Variants in RPS6KA2 observed in about 807,000 individuals in gnomAD.
The protein encoded by RPS6KA2 is ribosomal protein S6 kinase alpha-2.
Under a neutral mutation model 91.8 loss-of-function variants are expected in RPS6KA2, and 42 were observed. The ratio of observed to expected loss-of-function variants is 0.46; its 90% CI spans 0.36 to 0.59. The LOEUF (loss-of-function observed/expected upper bound fraction) is 0.59, where lower values mean the gene tolerates loss of function less well. Among genes scored for constraint, RPS6KA2 ranks in the 20% least tolerant of loss-of-function variants. The probability of loss-of-function intolerance (pLI) is 0.00; values close to 1 mark genes in which losing one functional copy is unlikely to be tolerated. For synonymous variants in RPS6KA2, 414 were observed against 393.6 expected (o/e 1.05, Z -0.61); for missense variants, 798 against 978.5 (o/e 0.82, Z 2.46).
At chr6:166,613,974 C>T (rs1248222332) in intron 1 of RPS6KA2, among the ~76,000 whole-genome samples, 2 of 152,244 alleles carry the variant, frequency 1.3e-5, no homozygotes, top group African/African-American at 4.8e-5. Context: ...TCTTCCCCGT[C>T]TTTCTGGGGA....
chr6:166,587,958 G>GT (rs1219194674), intron 1 of RPS6KA2, among the ~76,000 whole-genome samples: 2 of 152,160 alleles, frequency 1.3e-5, no homozygotes, highest in African/African-American at 2.4e-5. Context: ...AATTTATTTT[G>GT]TTTTTTATCT....
At chr6:166,740,153 G>C (rs1219970545) in intron 2 of RPS6KA2, among the ~76,000 whole-genome samples, 1 of 152,182 alleles carries the variant, frequency 6.6e-6, no homozygotes, top group Non-Finnish European at 1.5e-5. Context: ...TGGACACAGT[G>C]ACTAGGGTGT....
chr6:166,783,743 CCTAT>C lies in RPS6KA2; in HGVS notation c.123+74453_123+74456del, dbSNP rs1371134140. Among the ~76,000 whole-genome samples the C allele has an allele frequency of 3.6e-5, 5 of 138,696 alleles. No homozygotes were observed. In the East Asian group the frequency reaches 9.6e-4, roughly 27 times the overall value. The allele number at this position is 138,696 out of a possible 152,430, so 91.0% of individuals were successfully genotyped here. ...TTGTAATCACATACACGCGTGGACA[CCTAT>C]CTAAAACCACATATACACATGTGCA... On this transcript the variant is annotated intron_variant, in intron 2 of 21. Coordinates refer to the RPS6KA2 transcript ENST00000503859.
chr6:166,534,266 A>C (rs1011837482), intron 2 of RPS6KA2, among the ~76,000 whole-genome samples: 5 of 150,116 alleles, frequency 3.3e-5, no homozygotes, highest in African/African-American at 1.2e-4. Flanking sequence ...AACAAAAATT[A>C]GTTGAGTGTG....
intron 2 of RPS6KA2, chr6:166,701,576 C>A: frequency 7.1e-7 from 1 of 1,414,324 alleles, no homozygotes; most frequent in Non-Finnish European, 1.0e-6. Flanking sequence ...CTGATGAGGG[C>A]TCTGACTGAT....
At chr6:166,730,112 A>G (rs1431504237) in intron 2 of RPS6KA2, among the ~76,000 whole-genome samples, 1 of 152,212 alleles carries the variant, frequency 6.6e-6, no homozygotes, top group African/African-American at 2.4e-5. Flanking sequence ...GTAACTTTCT[A>G]TATTGCTTTT....
At chr6:166,529,498 C>G (rs1444017078) in intron 3 of RPS6KA2, among the ~76,000 whole-genome samples, 1 of 152,008 alleles carries the variant, frequency 6.6e-6, no homozygotes, top group Admixed American at 6.5e-5. Flanking sequence ...TGCAGCACAC[C>G]AGCATGGCAC....
intron 2 of RPS6KA2, among the ~76,000 whole-genome samples, chr6:166,820,278 C>T (rs935414420): frequency 6.6e-6 from 1 of 152,198 alleles, no homozygotes; most frequent in Non-Finnish European, 1.5e-5. Context: ...CCATGTCTGT[C>T]CAACTCCTAA....
chr6:166,675,329 C>T (rs572786987), intron 2 of RPS6KA2, among the ~76,000 whole-genome samples: 2 of 152,350 alleles, frequency 1.3e-5, no homozygotes, highest in East Asian at 3.9e-4. Flanking sequence ...ACCCCTGCTC[C>T]TTCAGTCCCA....
chr6:166,741,227 T>C (rs1790802404), intron 2 of RPS6KA2, among the ~76,000 whole-genome samples: 2 of 152,350 alleles, frequency 1.3e-5, no homozygotes, highest in Admixed American at 6.5e-5. Flanking sequence ...TGCTTATATG[T>C]AAAGACGTGG....
intron 2 of RPS6KA2, among the ~76,000 whole-genome samples, chr6:166,694,155 C>T (rs188056270): frequency 1.3e-5 from 2 of 152,352 alleles, no homozygotes; most frequent in East Asian, 3.9e-4. Context: ...CTCTGCCTCC[C>T]ACACACGGAG....
chr6:166,605,916 T>C (rs899648072), intron 1 of RPS6KA2, among the ~76,000 whole-genome samples: 1 of 152,220 alleles, frequency 6.6e-6, no homozygotes, highest in Non-Finnish European at 1.5e-5. Flanking sequence ...AGCTCTTTAC[T>C]TTGCAGGTTG....
At chr6:166,617,763 C>T (rs575526552) in intron 1 of RPS6KA2, among the ~76,000 whole-genome samples, 7 of 152,284 alleles carry the variant, frequency 4.6e-5, no homozygotes, top group South Asian at 4.1e-4. Context: ...CTAGAAGCTG[C>T]GAATTACATG....
chr6:166,700,545 T>C (rs551289030), intron 2 of RPS6KA2, among the ~76,000 whole-genome samples: 1 of 152,312 alleles, frequency 6.6e-6, no homozygotes, highest in African/African-American at 2.4e-5. Context: ...CCCGAGGTAG[T>C]TGAGTAAAAA....
intron 15 of RPS6KA2, among the ~76,000 whole-genome samples, chr6:166,431,965 A>G (rs926448659): frequency 5.3e-5 from 8 of 152,280 alleles, no homozygotes; most frequent in Admixed American, 3.3e-4. Flanking sequence ...GCATGTTAAG[A>G]CCGTTTGCAC....
chr6:166,537,792 GA>G lies in RPS6KA2; in HGVS notation c.216+875del, dbSNP rs569677206. ...CCAGGCTGTTCTGCTTACATGTAAG[GA>G]ACGGTTGGCTTCATGGTTTATTTCA... On this transcript the variant is annotated intron_variant, in intron 2 of 20. Coordinates refer to ENST00000265678, the MANE Select transcript of RPS6KA2 (RefSeq NM_021135.6). Among the ~76,000 whole-genome samples, 1,492 of 152,318 alleles carry G rather than the reference GA, an allele frequency of 9.8e-3. 11 individuals carry two copies. Among genetic ancestry groups the G allele is most frequent in the Non-Finnish European group, 0.016 (1,056 of 68,024 alleles).
intron 2 of RPS6KA2, among the ~76,000 whole-genome samples, chr6:166,660,341 C>T (rs62438675): frequency 0.13 from 15,097 of 116,898 alleles, 854 homozygotes; most frequent in South Asian, 0.2. Context: ...TGTGTGTGTG[C>T]GGGTTGGTGT....
chr6:166,591,740 G>A (rs772413038), intron 1 of RPS6KA2, among the ~76,000 whole-genome samples: 4 of 152,172 alleles, frequency 2.6e-5, no homozygotes, highest in Admixed American at 6.5e-5. Flanking sequence ...AACTCCTGTC[G>A]GTTAATCCCA....
rs774396701 is a variant in RPS6KA2, at chr6:166,423,310, C to G, written c.1689G>C (p.Ala563=). The change falls in exon 17 of 21, where the codon GCG becomes GCC. Residue 563 remains alanine (A), a synonymous_variant. Coordinates refer to ENST00000265678, the MANE Select transcript of RPS6KA2 (RefSeq NM_021135.6). The surrounding 1 kb of genome is among the most constrained non-coding windows in gnomAD (Gnocchi z 4.8). ...CDFGFAKQLR[A]GNGLLMTPCY... ...AGGGTGTCATGAGCAGCCCGTTCCC[C>G]GCGCGCAGCTGCTTGGCAAAGCCGA... The G allele has an allele frequency of 6.2e-7, 1 of 1,614,022 alleles. No homozygotes were observed. Among genetic ancestry groups the G allele is most frequent in the African/African-American group, 1.3e-5 (1 of 75,052 alleles).
Sources: gnomAD v4.1 joint callset for allele counts (sites outside exome capture counted in the v4.1 genomes callset) on GRCh38, gnomAD v4.1.1 for gene constraint, Gnocchi (gnomAD v3.1) non-coding constraint, MANE v1.5 for transcripts, NCBI Gene and HGNC (gene_info 2026-07-23, HGNC 2026-07-21) for gene names.